The following TENM2 variants were observed in gnomAD, a reference collection of about 807,000 sequenced individuals.
The protein encoded by TENM2 is teneurin-2.
TENM2 carries 52 observed loss-of-function variants against 245.2 expected under a neutral mutation model. The ratio of observed to expected loss-of-function variants is 0.21; its 90% CI spans 0.17 to 0.27. The LOEUF (loss-of-function observed/expected upper bound fraction) is 0.27, where lower values mean the gene tolerates loss of function less well. Among genes scored for constraint, TENM2 ranks in the 10% least tolerant of loss-of-function variants. The pLI is 1.00. For missense variants in TENM2, 3,046 were observed against 3,666.8 expected, an observed-to-expected ratio of 0.83 and a Z score of 4.37; for synonymous variants, 1,363 against 1,438.9, an observed-to-expected ratio of 0.95 and a Z score of 1.19.
intron 2 of TENM2, among the ~76,000 whole-genome samples, chr5:167,499,676 A>C (rs1282912289): frequency 6.6e-6 from 1 of 152,210 alleles, no homozygotes; most frequent in Non-Finnish European, 1.5e-5. Context: ...CCACTATTGT[A>C]CATTAACAGA....
At chr5:168,010,673 T>C (rs577376674) in intron 5 of TENM2, among the ~76,000 whole-genome samples, 1 of 152,230 alleles carries the variant, frequency 6.6e-6, no homozygotes, top group Non-Finnish European at 1.5e-5. Flanking sequence ...TAAGGAGAGA[T>C]GTTCATGGGG....
intron 10 of TENM2, 100 bp downstream of exon 12, chr5:168,118,586 G>A: frequency 1.1e-6 from 1 of 936,728 alleles, no homozygotes. Context: ...TGTTTTGCAA[G>A]AGAAGTTTCA....
rs564436140 is a variant in TENM2 at position 167,381,086 on chromosome 5, G to C, written c.502+5613G>C. 4.6e-5 allele frequency among the ~76,000 whole-genome samples: 7 copies of C among 152,184 alleles called. No homozygotes were observed. The East Asian group carries it at 1.4e-3, about 30-fold the overall frequency. On this transcript the variant is annotated intron_variant, in intron 2 of 28. Transcript: ENST00000518659. ...TCAGAAAATAATATCAAAGTAAACG[G>C]GTTAGAGAAGAATGTATGAGGAGTA...
intron 2 of TENM2, among the ~76,000 whole-genome samples, chr5:167,598,073 A>G (rs1477554179): frequency 6.6e-6 from 1 of 152,210 alleles, no homozygotes; most frequent in African/African-American, 2.4e-5. Context: ...GAGACCAGTG[A>G]AGCATGAAGG....
At chr5:167,541,672 T>G (rs1772221963) in intron 2 of TENM2, among the ~76,000 whole-genome samples, 1 of 152,166 alleles carries the variant, frequency 6.6e-6, no homozygotes, top group Non-Finnish European at 1.5e-5. Context: ...GACCAAAAAC[T>G]ACTGAAGGGG....
intron 13 of TENM2, among the ~76,000 whole-genome samples, chr5:168,170,935 C>T (rs1203920446): frequency 1.3e-5 from 2 of 152,144 alleles, no homozygotes; most frequent in African/African-American, 4.8e-5. Flanking sequence ...TCTGTATATC[C>T]CCTGCCTTGT....
At chr5:168,174,584 A>G (rs1056784304) in intron 13 of TENM2, among the ~76,000 whole-genome samples, 4 of 152,198 alleles carry the variant, frequency 2.6e-5, no homozygotes, top group Admixed American at 2.0e-4. Context: ...TGCATTTCTC[A>G]CAAGTGCCCA....
At chr5:168,043,083 A>G (rs1788334419) in intron 5 of TENM2, among the ~76,000 whole-genome samples, 1 of 152,150 alleles carries the variant, frequency 6.6e-6, no homozygotes, top group Admixed American at 6.5e-5. Context: ...GATGATTTGG[A>G]CCAGGCCTTT....
the TENM2 span, among the ~76,000 whole-genome samples, chr5:167,250,867 A>G: frequency 2.0e-5 from 3 of 152,172 alleles, no homozygotes; most frequent in Non-Finnish European, 2.9e-5. Context: ...ATGGATGTAA[A>G]TGTCAATGTA....
chr5:167,434,587 T>C (rs896557666), intron 2 of TENM2, among the ~76,000 whole-genome samples: 6 of 152,066 alleles, frequency 3.9e-5, no homozygotes, highest in Admixed American at 3.9e-4. Context: ...TTTTATTCAA[T>C]TATGGAGCTT....
At chr5:167,486,847 T>C (rs1457414090) in intron 2 of TENM2, among the ~76,000 whole-genome samples, 2 of 152,192 alleles carry the variant, frequency 1.3e-5, no homozygotes, top group African/African-American at 4.8e-5. Context: ...GGACCAAATC[T>C]GTGTTCCATG....
At chr5:167,188,370 G>C in the TENM2 span, among the ~76,000 whole-genome samples, 4 of 152,134 alleles carry the variant, frequency 2.6e-5, no homozygotes, top group African/African-American at 9.6e-5. Context: ...TGATTGATGA[G>C]ATAGCACTTC....
At chr5:167,357,635 A>G (rs2127253992) in intron 1 of TENM2, among the ~76,000 whole-genome samples, 1 of 152,220 alleles carries the variant, frequency 6.6e-6, no homozygotes, top group South Asian at 2.1e-4. Flanking sequence ...CAATATAGTC[A>G]CCACAATTTA....
At chr5:167,880,658 A>C (rs761701101) in intron 3 of TENM2, among the ~76,000 whole-genome samples, 19 of 152,196 alleles carry the variant, frequency 1.2e-4, no homozygotes, top group Non-Finnish European at 2.2e-4. Context: ...TAGTAACATC[A>C]TATAATACAT....
At chr5:167,989,286 G>A (rs1450148254) in intron 4 of TENM2, among the ~76,000 whole-genome samples, 1 of 151,216 alleles carries the variant, frequency 6.6e-6, no homozygotes, top group East Asian at 1.9e-4. Context: ...GAGAGAGAGA[G>A]AGAGAGAGAG....
chr5:168,227,626 C>A (rs60525746), intron 24 of TENM2, among the ~76,000 whole-genome samples: 2,803 of 150,688 alleles, frequency 0.019, 77 homozygotes, highest in African/African-American at 0.064. Flanking sequence ...TTTAAACGTG[C>A]TATTAATAGT....
intron 4 of TENM2, among the ~76,000 whole-genome samples, chr5:167,988,690 G>C (rs1010194272): frequency 6.6e-6 from 1 of 152,168 alleles, no homozygotes; most frequent in Admixed American, 6.5e-5. Context: ...CAGTGGGAGA[G>C]GTAGCCAGAG....
At chr5:167,408,214 A>G (rs1762732639) in intron 2 of TENM2, among the ~76,000 whole-genome samples, 1 of 152,172 alleles carries the variant, frequency 6.6e-6, no homozygotes, top group African/African-American at 2.4e-5. Flanking sequence ...TGATCTTTCC[A>G]ATCATTTCAA....
chr5:167,762,117 T>C (rs1170241344), intron 2 of TENM2, among the ~76,000 whole-genome samples: 2 of 152,124 alleles, frequency 1.3e-5, no homozygotes, highest in Non-Finnish European at 2.9e-5. Context: ...GTGACTAATT[T>C]TTAGTCTCTT....
Sources: allele counts gnomAD v4.1 joint callset (sites outside exome capture counted in the v4.1 genomes callset), GRCh38; gene constraint gnomAD v4.1.1; transcripts MANE v1.5; gene names NCBI Gene and HGNC (gene_info 2026-07-23, HGNC 2026-07-21).